Variants in ZNF385D observed in about 807,000 individuals in gnomAD.
The protein encoded by ZNF385D is zinc finger protein 385D, also known as zinc finger protein 659.
In ZNF385D, 15 loss-of-function variants were observed where a neutral mutation model predicts 35.8. The observed-to-expected ratio is 0.42, with a 90% CI of 0.28 to 0.64. The LOEUF (loss-of-function observed/expected upper bound fraction) is 0.64, where lower values mean the gene tolerates loss of function less well. Among genes scored for constraint, ZNF385D ranks in the 30% least tolerant of loss-of-function variants. ZNF385D has a pLI of 0.23. For missense variants in ZNF385D, 474 were observed against 494.6 expected, an observed-to-expected ratio of 0.96 and a Z score of 0.39; for synonymous variants, 212 against 186.8, an observed-to-expected ratio of 1.13 and a Z score of -1.10.
chr3:22,056,381 GCTGT>G (rs1447341978), intron 3 of ZNF385D, among the ~76,000 whole-genome samples: 2 of 151,730 alleles, frequency 1.3e-5, no homozygotes, highest in Non-Finnish European at 2.9e-5. Context: ...TAGTTTAGGG[GCTGT>G]CTATTACAGA....
chr3:21,482,311 GT>G (rs906218696), intron 4 of ZNF385D, among the ~76,000 whole-genome samples: 2 of 152,060 alleles, frequency 1.3e-5, no homozygotes, highest in Admixed American at 6.6e-5. Context: ...TCTAAACAAA[GT>G]TTTTTTGGAA....
intron 3 of ZNF385D, among the ~76,000 whole-genome samples, chr3:21,545,643 TG>T (rs2062345480): frequency 6.6e-6 from 1 of 152,066 alleles, no homozygotes; most frequent in South Asian, 2.1e-4. Flanking sequence ...AGAACACAAT[TG>T]GAAAAAAACT....
At chr3:22,145,266 G>A (rs760861245) in intron 3 of ZNF385D, among the ~76,000 whole-genome samples, 1 of 152,106 alleles carries the variant, frequency 6.6e-6, no homozygotes, top group Non-Finnish European at 1.5e-5. Context: ...TGCATTAATG[G>A]CAAAAACCAC....
chr3:22,044,709 G>A (rs1450462061), intron 3 of ZNF385D, among the ~76,000 whole-genome samples: 7 of 152,082 alleles, frequency 4.6e-5, no homozygotes, highest in Non-Finnish European at 8.8e-5. Flanking sequence ...CTATTGGGAA[G>A]GAAGGTGGAG....
At chr3:21,825,355 T>C (rs1394247188) in intron 3 of ZNF385D, among the ~76,000 whole-genome samples, 1 of 152,212 alleles carries the variant, frequency 6.6e-6, no homozygotes, top group Non-Finnish European at 1.5e-5. Context: ...ACACGGTATT[T>C]TGTATTCCTC....
intron 2 of ZNF385D, among the ~76,000 whole-genome samples, chr3:21,635,332 C>G (rs1422863476): frequency 6.6e-6 from 1 of 152,038 alleles, no homozygotes; most frequent in Non-Finnish European, 1.5e-5. Context: ...CACTACATGC[C>G]TGGTCCGTTC....
intron 4 of ZNF385D, among the ~76,000 whole-genome samples, chr3:21,444,394 T>G (rs555515056): frequency 2.0e-5 from 3 of 149,514 alleles, no homozygotes; most frequent in South Asian, 4.3e-4. Flanking sequence ...TTTGTTTTTT[T>G]TTTTTTTTGA....
intron 3 of ZNF385D, among the ~76,000 whole-genome samples, chr3:21,833,022 A>G (rs867541374): frequency 1.3e-5 from 2 of 152,180 alleles, no homozygotes; most frequent in African/African-American, 4.8e-5. Flanking sequence ...ATGGTAGCGC[A>G]CATCCTACTT....
At chr3:21,565,548 A>ATCT (rs1239015148) in intron 2 of ZNF385D, among the ~76,000 whole-genome samples, 4 of 94,006 alleles carry the variant, frequency 4.3e-5, no homozygotes, top group Non-Finnish European at 6.2e-5. Flanking sequence ...CCAGCCCTTG[A>ATCT]TCTTAATTCT....
intron 2 of ZNF385D, among the ~76,000 whole-genome samples, chr3:21,586,351 C>T (rs1168612236): frequency 6.6e-6 from 1 of 152,112 alleles, no homozygotes; most frequent in Non-Finnish European, 1.5e-5. Context: ...AAGCAAAGTA[C>T]TTAAAGCCAG....
chr3:21,982,168 T>A (rs557290129), intron 3 of ZNF385D, among the ~76,000 whole-genome samples: 1 of 151,732 alleles, frequency 6.6e-6, no homozygotes, highest in South Asian at 2.1e-4. Context: ...GTGGGCAGTA[T>A]AGCCATTTTA....
chr3:22,320,052 T>A (rs1267210957), intron 2 of ZNF385D, among the ~76,000 whole-genome samples: 1 of 151,816 alleles, frequency 6.6e-6, no homozygotes, highest in Admixed American at 6.6e-5. Context: ...ACAAAACACA[T>A]ACAAACTTTT....
chr3:22,290,393 C>G (rs1033256632), intron 2 of ZNF385D, among the ~76,000 whole-genome samples: 7 of 152,138 alleles, frequency 4.6e-5, no homozygotes, highest in Non-Finnish European at 1.0e-4. Context: ...GAAGATAGTT[C>G]TCACTCCTCT....
chr3:21,589,601 C>A (rs578010763), intron 2 of ZNF385D, among the ~76,000 whole-genome samples: 1 of 151,914 alleles, frequency 6.6e-6, no homozygotes, highest in East Asian at 1.9e-4. Flanking sequence ...GTAAAAAGAA[C>A]AAAAAGACAA....
intron 3 of ZNF385D, among the ~76,000 whole-genome samples, chr3:21,823,855 G>C (rs73042725): frequency 0.082 from 12,482 of 152,220 alleles, 628 homozygotes; most frequent in Non-Finnish European, 0.11. Flanking sequence ...CTCCCAAGGA[G>C]TTCCCATTGC....
chr3:21,660,924 G>A (rs575253105), intron 2 of ZNF385D, among the ~76,000 whole-genome samples: 1 of 152,240 alleles, frequency 6.6e-6, no homozygotes, highest in East Asian at 1.9e-4. Context: ...TCAGCACCAG[G>A]GCCACCCCTG....
intron 1 of ZNF385D, among the ~76,000 whole-genome samples, chr3:21,677,953 T>C (rs1355164550): frequency 2.6e-5 from 4 of 152,014 alleles, no homozygotes; most frequent in African/African-American, 9.7e-5. Context: ...ATAAGCCAAG[T>C]ATAAGAATCC....
chr3:21,776,364 C>T (rs2071288007), intron 3 of ZNF385D, among the ~76,000 whole-genome samples: 1 of 151,900 alleles, frequency 6.6e-6, no homozygotes, highest in South Asian at 2.1e-4. Flanking sequence ...AAAGATCGTG[C>T]CAATTTACAA....
intron 2 of ZNF385D, among the ~76,000 whole-genome samples, chr3:21,596,671 G>T (rs1172477884): frequency 1.3e-5 from 2 of 149,940 alleles, no homozygotes; most frequent in African/African-American, 2.5e-5. Flanking sequence ...ACAGTTGGGG[G>T]TCTTACTGTG....
Sources: gnomAD v4.1 joint callset for allele counts (sites outside exome capture counted in the v4.1 genomes callset) on GRCh38, gnomAD v4.1.1 for gene constraint, MANE v1.5 for transcripts, NCBI Gene and HGNC (gene_info 2026-07-23, HGNC 2026-07-21) for gene names.